DVL1: variants seen among roughly 807,000 people sequenced by gnomAD.
DVL1 encodes the protein segment polarity protein dishevelled homolog DVL-1.
DVL1 carries 49 observed loss-of-function variants against 65.0 expected under a neutral mutation model. That is an observed-to-expected ratio of 0.75 (90% CI 0.60 to 0.96). The LOEUF (loss-of-function observed/expected upper bound fraction) is 0.96, where lower values mean the gene tolerates loss of function less well. Ranked by LOEUF, DVL1 falls within the 40% of genes least tolerant of loss-of-function variation. The probability of loss-of-function intolerance (pLI) is 0.00; values close to 1 mark genes in which losing one functional copy is unlikely to be tolerated. For synonymous variants in DVL1, 608 were observed against 433.9 expected (o/e 1.40, Z -4.99); for missense variants, 1,197 against 1,045.4 (o/e 1.15, Z -2.00).
Position 1,342,372 on chromosome 1 carries a change from G to C in DVL1, c.353C>G (p.Pro118Arg). ...CCCACGGTGTCCTTACTGGAAGGAG[G>C]GGGGCCGGGAGTCCCCGATGCCGCC... is the stretch of plus-strand genomic sequence containing the variant. ...RTGGIGDSRP[P>R]SFHPNVASSR... is the part of the protein sequence containing the mutation. The change falls in exon 3 of 15, where the codon CCC (proline) becomes CGC (arginine). Residue 118 changes from proline (P) to arginine (R), a missense_variant. Coordinates refer to ENST00000378888, the MANE Select transcript of DVL1 (RefSeq NM_001330311.2). 1 of 1,579,034 alleles carries C rather than the reference G, an allele frequency of 6.3e-7. No individual in the cohort carries two copies. The highest frequency in any genetic ancestry group is 1.1e-5 in the South Asian group (1 of 87,276).
rs751403584 is a variant in DVL1, at chr1:1,340,311, G to C, written c.705C>G (p.Ser235=). The change falls in exon 7 of 15, where the codon TCC becomes TCG. Residue 235 remains serine (S), a synonymous_variant. Coordinates refer to ENST00000378888, the MANE Select transcript of DVL1 (RefSeq NM_001330311.2). ...TGGAGTCGGTTATGCTGCTGAAGGA[G>C]GAGGCCTATGGAGGAGAGGGGGCGT... ...KQRLRQADRA[S]SFSSITDSTM... is the part of the protein sequence containing the mutation. 1.2e-6 allele frequency: 2 copies of C among 1,613,994 alleles called. No homozygotes were observed. Among genetic ancestry groups the C allele is most frequent in the South Asian group, 1.1e-5 (1 of 91,092 alleles).
chr1:1,337,943 G>A (rs1399488385), intron 14 of DVL1, 34 bp downstream of exon 14: 2 of 1,573,846 alleles, frequency 1.3e-6, no homozygotes, highest in Non-Finnish European at 1.7e-6. Context: ...TGGGGGCGGA[G>A]CCGGGGAAGG....
rs1450029487 is a variant in DVL1, at chr1:1,349,352, C to T, written c.-287G>A. On this transcript the variant is annotated 5_prime_UTR_variant, in exon 1 of 15. Transcript: ENST00000378888. This position sits in a 1 kb window ranked among gnomAD's most constrained non-coding sequence, Gnocchi z 4.1. ...AGGGCGCGCTCAGCCCCGCCGCCCT[C>T]CCGCCTGCGCCCCTCGGGCCGCGCC... 1 of 145,804 alleles carries T rather than the reference C, an allele frequency of 6.9e-6. No individual in the cohort carries two copies. The highest frequency in any genetic ancestry group is 6.8e-5 in the Admixed American group (1 of 14,734). The allele number at this position is 145,804 out of a possible 1,614,324, so 9.0% of individuals were successfully genotyped here.
rs537212139 is a variant in DVL1, at chr1:1,345,634, G to T, written c.171-2876C>A. Among the ~76,000 whole-genome samples, 3 of 152,290 alleles carry T rather than the reference G, an allele frequency of 2.0e-5. No individual in the cohort carries two copies. The South Asian group carries it at 6.2e-4, about 32-fold the overall frequency. The stretch of plus-strand genomic sequence containing the variant: ...GCTGCCCCCACAGACCCGCCCCGGG[G>T]AGGAATCCACTCAGAGGCAGCGCCC... On this transcript the variant is annotated intron_variant, in intron 1 of 14. Coordinates refer to ENST00000378888, the MANE Select transcript of DVL1 (RefSeq NM_001330311.2).
chr1:1,343,271 G>A (rs1643875765), intron 1 of DVL1, among the ~76,000 whole-genome samples: 1 of 119,348 alleles, frequency 8.4e-6, no homozygotes, highest in South Asian at 2.9e-4. Context: ...CCCCCCCCCA[G>A]GGCTTCCCCC....
chr1:1,336,117 G>A lies in DVL1; in HGVS notation c.*25C>T. 1 of 1,565,830 alleles carries A rather than the reference G, an allele frequency of 6.4e-7. No homozygotes were observed. The highest frequency in any genetic ancestry group is 8.6e-7 in the Non-Finnish European group (1 of 1,162,836). On this transcript the variant is annotated 3_prime_UTR_variant, in exon 15 of 15. Transcript: ENST00000378888. ...CAGGACCGCCAGCTCCCCACCTCAG[G>A]CAGGGCTGGGGCATGCGCCACGAGT...
rs182333546 is a variant in DVL1, at chr1:1,336,482, C to T, written c.1748G>A (p.Arg583His). Residue 583 changes from arginine (R) to histidine (H), a missense_variant, in exon 15 of 15, where the codon CGC becomes CAC. Arg to His is a conservative substitution (Grantham distance 29, BLOSUM62 0). Coordinates refer to ENST00000378888, the MANE Select transcript of DVL1 (RefSeq NM_001330311.2). ...SKSSGSTRSSRRAPGREKERR... is the reference protein window; with the variant it reads ...SKSSGSTRSSHRAPGREKERR... ...CTCCTTCTCACGGCCCGGGGCCCGG[C>T]GGCTGCTCCGGGTGGACCCACTGCT... 3.5e-5 allele frequency: 54 copies of T among 1,544,188 alleles called. No homozygotes were observed. Among genetic ancestry groups the T allele is most frequent in the Middle Eastern group, 1.9e-4 (1 of 5,390 alleles).
intron 3 of DVL1, 102 bp from the exon 4 acceptor site, chr1:1,342,258 G>A: frequency 2.0e-6 from 3 of 1,497,092 alleles, no homozygotes; most frequent in Middle Eastern, 2.1e-4. Context: ...GCCCCAGCAG[G>A]TGCCACGCCC....
At position 1,339,629 on chromosome 1, in the gene DVL1, G is replaced by A; in HGVS notation, c.1007C>T (p.Ala336Val). The A allele has an allele frequency of 1.9e-6, 3 of 1,609,212 alleles. No homozygotes were observed. Among genetic ancestry groups the A allele is most frequent in the East Asian group, 2.2e-5 (1 of 44,776 alleles). ...SQTGPISLTV[A>V]KCWDPTPRSY... ...TCGGGGCGTTGGGTCCCAGCACTTG[G>A]CCACAGTGAGGCTGATGGGCCTGCA... Residue 336 changes from alanine (A) to valine (V), a missense_variant, in exon 10 of 15, where the codon GCC becomes GTC. Transcript: ENST00000378888.
chr1:1,341,276 T>C (rs1281241896), intron 5 of DVL1, among the ~76,000 whole-genome samples: 1 of 150,336 alleles, frequency 6.7e-6, no homozygotes, highest in Non-Finnish European at 1.5e-5. Flanking sequence ...ACGTGCACAC[T>C]GTGAAAACGC....
intron 10 of DVL1, 46 bp downstream of exon 10, chr1:1,339,536 G>C: frequency 6.4e-7 from 1 of 1,566,426 alleles, no homozygotes. Context: ...AGGCTAGGTA[G>C]GCGCCCCCTC....
In DVL1 at chr1:1,340,325, G is replaced by A. The variant is rs375604501; in HGVS notation, c.700-9C>T. 1.7e-5 allele frequency: 28 copies of A among 1,613,814 alleles called. No homozygotes were observed. Among genetic ancestry groups the A allele is most frequent in the African/African-American group, 9.3e-5 (7 of 74,912 alleles). Reference sequence around the variant, plus strand: ...CTGCTGAAGGAGGAGGCCTATGGAGGAGAGGGGGCGTGTGTAAAAGGCACG... The same window carrying A: ...CTGCTGAAGGAGGAGGCCTATGGAGAAGAGGGGGCGTGTGTAAAAGGCACG... On this transcript the variant is annotated splice_polypyrimidine_tract_variant and intron_variant, in intron 6 of 14. Transcript: ENST00000378888.
intron 1 of DVL1, among the ~76,000 whole-genome samples, chr1:1,345,851 G>A (rs573269545): frequency 1.3e-5 from 2 of 152,222 alleles, no homozygotes; most frequent in African/African-American, 2.4e-5. Context: ...CCCTGTGCAC[G>A]CCCCAGGTCA....
In DVL1 at chr1:1,336,409, C is replaced by T. The variant is rs759492048; in HGVS notation, c.1821G>A (p.Thr607=). Residue 607 remains threonine, a synonymous_variant, in exon 15 of 15, where the codon ACG becomes ACA. Coordinates refer to ENST00000378888, the MANE Select transcript of DVL1 (RefSeq NM_001330311.2). ...AGCTGCTCCCCACCCCACTCGGTGC[C>T]GTGTGATCCGATTCACTGCCACTGC... The part of the protein sequence containing the change: ...AGGSGSESDH[T]APSGVGSSWR... 13 of 1,598,456 alleles carry T rather than the reference C, an allele frequency of 8.1e-6. No individual in the cohort carries two copies. Among genetic ancestry groups the T allele is most frequent in the African/African-American group, 4.0e-5 (3 of 74,732 alleles).
chr1:1,338,229 T>TTGGCCG, intron 13 of DVL1, 40 bp downstream of exon 13: 7 of 1,522,334 alleles, frequency 4.6e-6, no homozygotes, highest in Non-Finnish European at 6.3e-6. Context: ...CCTCCGGCGT[T>TTGGCCG]CCCCTCCCCC....
chr1:1,340,385 C>A (rs761693635), intron 6 of DVL1, 25 bp downstream of exon 6: 5 of 1,612,722 alleles, frequency 3.1e-6, no homozygotes, highest in East Asian at 4.5e-5. Flanking sequence ...TCCCCAGCCC[C>A]GCCCTGCTCC....
At chr1:1,341,545 CACAT>C (rs1188629101) in intron 5 of DVL1, 118 bp downstream of exon 5, 15 of 1,280,110 alleles carry the variant, frequency 1.2e-5, no homozygotes, top group Middle Eastern at 1.9e-4. Context: ...TGCAGGCACA[CACAT>C]GCACACACAC....
At chr1:1,341,075 GCACCCCTGCACACAGGCACACCTGCA>G (rs1643799031) in intron 5 of DVL1, among the ~76,000 whole-genome samples, 2 of 138,022 alleles carry the variant, frequency 1.4e-5, no homozygotes, top group Non-Finnish European at 3.1e-5. Context: ...CTGCACACAC[GCACCCCTGCACACAGGCACACCTGCA>G]CACACCTGCA....
chr1:1,342,656 GC>G, intron 2 of DVL1, 32 bp downstream of exon 2: 1 of 1,610,482 alleles, frequency 6.2e-7, no homozygotes, highest in Non-Finnish European at 8.5e-7. Flanking sequence ...TGCTCCCCAG[GC>G]GAGCCTTCGG....
Sources: gnomAD v4.1 joint callset for allele counts (sites outside exome capture counted in the v4.1 genomes callset) on GRCh38, gnomAD v4.1.1 for gene constraint, Gnocchi (gnomAD v3.1) non-coding constraint, MANE v1.5 for transcripts, NCBI Gene and HGNC (gene_info 2026-07-23, HGNC 2026-07-21) for gene names.